The following HCFC2 variants were observed in gnomAD, a reference collection of about 807,000 sequenced individuals.
HCFC2 encodes host cell factor 2.
Under a neutral mutation model 89.2 loss-of-function variants are expected in HCFC2, and 18 were observed. The observed-to-expected ratio is 0.20, with a 90% CI of 0.14 to 0.30. The LOEUF (loss-of-function observed/expected upper bound fraction) is 0.30, where lower values mean the gene tolerates loss of function less well. Ranked by LOEUF, HCFC2 falls within the 10% of genes least tolerant of loss-of-function variation. HCFC2 has a pLI of 1.00. For synonymous variants in HCFC2, 308 were observed against 335.7 expected (o/e 0.92, Z 0.90); for missense variants, 578 against 956.1 (o/e 0.60, Z 5.21).
In HCFC2 at chr12:104,079,593, A is replaced by G. The variant is rs1389101801; in HGVS notation, c.622A>G (p.Met208Val). 2 of 1,614,136 alleles carry G rather than the reference A, an allele frequency of 1.2e-6. No homozygotes were observed. The highest frequency in any genetic ancestry group is 1.7e-5 in the Admixed American group (1 of 60,014). Reference protein sequence around the residue: ...YCKKDSGSPKMYVFGGMCGAR... With the variant: ...YCKKDSGSPKVYVFGGMCGAR... Reference sequence around the variant, plus strand: ...CAAAAAAGATTCTGGAAGTCCTAAAATGTATGTTTTTGGTGGAATGTGTGG... The same window carrying G: ...CAAAAAAGATTCTGGAAGTCCTAAAGTGTATGTTTTTGGTGGAATGTGTGG... The change falls in exon 4 of 15, where the codon ATG (methionine) becomes GTG (valine). Residue 208 changes from methionine (M) to valine (V), a missense_variant. Met to Val is a conservative substitution (Grantham distance 21). Transcript: ENST00000229330.
chr12:104,075,738 G>A (rs571974796), intron 3 of HCFC2, among the ~76,000 whole-genome samples: 9 of 152,218 alleles, frequency 5.9e-5, no homozygotes, highest in African/African-American at 1.9e-4. Context: ...GGGATTACCC[G>A]CTTGAGCCAT....
chr12:104,092,349 C>T (rs1884045141), intron 9 of HCFC2, among the ~76,000 whole-genome samples: 1 of 151,962 alleles, frequency 6.6e-6, no homozygotes, highest in South Asian at 2.1e-4. Flanking sequence ...GCCTGTAGCC[C>T]CAGCTACTTG....
intron 6 of HCFC2, 35 bp from the exon 7 acceptor site, chr12:104,082,678 C>A (rs1883720056): frequency 6.3e-7 from 1 of 1,588,872 alleles, no homozygotes; most frequent in Non-Finnish European, 8.6e-7. Flanking sequence ...TTGTTAAGAA[C>A]AAAAGATTAG....
At chr12:104,090,878 C>G (rs1261813428) in intron 9 of HCFC2, 2 of 152,156 alleles carry the variant, frequency 1.3e-5, no homozygotes, top group African/African-American at 4.8e-5. Context: ...AAGGCCTATG[C>G]ATGTGGGTGT....
chr12:104,081,472 A>C (rs1883680618), intron 5 of HCFC2, among the ~76,000 whole-genome samples: 1 of 152,144 alleles, frequency 6.6e-6, no homozygotes, highest in South Asian at 2.1e-4. Flanking sequence ...AAATTCCCTT[A>C]TTTGTGCAAC....
chr12:104,083,006 TTAAG>T lies in HCFC2; in HGVS notation c.1063+108_1063+111del, dbSNP rs1244919811. The T allele has an allele frequency of 1.6e-5, 12 of 765,474 alleles. No individual in the cohort carries two copies. In the East Asian group the frequency reaches 2.6e-4, roughly 17 times the overall value. 47.4% of individuals were successfully genotyped at this position (765,474 alleles called of 1,614,324 possible). A position where few individuals can be genotyped will look rare whatever the true frequency, so the allele number is the denominator to read the frequency against. ...TGCTACTACCTCTTGTTTCCCATAA[TTAAG>T]TATGAATGGAAGAAACAATATGTAT... On this transcript the variant is annotated intron_variant, in intron 7 of 14. Transcript: ENST00000229330.
chr12:104,087,134 C>T, intron 8 of HCFC2, 120 bp downstream of exon 8: 1 of 863,456 alleles, frequency 1.2e-6, no homozygotes, highest in Non-Finnish European at 1.7e-6. Context: ...GCAGGTGGAT[C>T]ACCTGAGGTC....
intron 4 of HCFC2, among the ~76,000 whole-genome samples, chr12:104,080,200 G>T (rs1235561328): frequency 6.6e-6 from 1 of 152,084 alleles, no homozygotes; most frequent in Non-Finnish European, 1.5e-5. Context: ...CACAATTGGT[G>T]GCACCCTAAG....
chr12:104,102,035 A>G lies in HCFC2; in HGVS notation c.1946A>G (p.Tyr649Cys). Reference protein sequence around the residue: ...KKQDLVPGTGYRFRVAAINGC... With the variant: ...KKQDLVPGTGCRFRVAAINGC... ...CAAGATCTTGTTCCAGGCACAGGATACAGATTCAGGGTTGCTGCAATCAAT... is the reference window on the plus strand; with the variant it reads ...CAAGATCTTGTTCCAGGCACAGGATGCAGATTCAGGGTTGCTGCAATCAAT... Residue 649 changes from tyrosine (Y) to cysteine (C), a missense_variant, in exon 14 of 15, where the codon TAC (tyrosine) becomes TGC (cysteine). Physicochemically the swap from Tyr to Cys is radical, Grantham distance 194. Coordinates refer to ENST00000229330, the MANE Select transcript of HCFC2 (RefSeq NM_013320.3). 6.2e-7 allele frequency: 1 copy of G among 1,613,984 alleles called. No homozygotes were observed. The highest frequency in any genetic ancestry group is 8.5e-7 in the Non-Finnish European group (1 of 1,179,894).
In HCFC2 at chr12:104,093,548, C is replaced by CTAAGGA. The variant is rs1884089753; in HGVS notation, c.1448_1453dup (p.Arg484_Lys485insIleArg). Reference sequence around the variant, plus strand: ...TCATAATAGTCATGTGGTGGATATGCTAAGGAAAAATGAAGGTATATGGAT... The same window carrying CTAAGGA: ...TCATAATAGTCATGTGGTGGATATGCTAAGGATAAGGAAAAATGAAGGTATATGGAT... On this transcript the variant is annotated inframe_insertion, in exon 10 of 15. Coordinates refer to ENST00000229330, the MANE Select transcript of HCFC2 (RefSeq NM_013320.3). The CTAAGGA allele has an allele frequency of 2.5e-6, 4 of 1,607,172 alleles. No individual in the cohort carries two copies. The highest frequency in any genetic ancestry group is 2.5e-6 in the Non-Finnish European group (3 of 1,177,358).
rs776069021 is a variant in HCFC2, at chr12:104,068,119, C to T, written c.473+12C>T. The T allele has an allele frequency of 1.3e-6, 2 of 1,551,874 alleles. No homozygotes were observed. Among genetic ancestry groups the T allele is most frequent in the Non-Finnish European group, 1.7e-6 (2 of 1,155,300 alleles). ...AATAATGTTCCCAGGTATGCTGACT[C>T]TTTCAGACCAAATGCTTATTTTATG... On this transcript the variant is annotated intron_variant, in intron 3 of 14. Coordinates refer to ENST00000229330, the MANE Select transcript of HCFC2 (RefSeq NM_013320.3). This position sits in a 1 kb window ranked among gnomAD's most constrained non-coding sequence, Gnocchi z 4.1.
Position 104,066,160 on chromosome 12 carries a change from C to T in HCFC2, c.164-7C>T. 6.2e-7 allele frequency: 1 copy of T among 1,611,152 alleles called. No homozygotes were observed. The highest frequency in any genetic ancestry group is 8.5e-7 in the Non-Finnish European group (1 of 1,179,076). ...ATAATCGGTTTTCATTTTATTTTGG[C>T]AACTAGCTACGAATCAGTGGTTTCT... On this transcript the variant is annotated splice_polypyrimidine_tract_variant and splice_region_variant and intron_variant, in intron 1 of 14. Coordinates refer to ENST00000229330, the MANE Select transcript of HCFC2 (RefSeq NM_013320.3).
chr12:104,067,195 T>C (rs986750444), intron 2 of HCFC2, among the ~76,000 whole-genome samples: 10 of 152,198 alleles, frequency 6.6e-5, no homozygotes, highest in Non-Finnish European at 1.3e-4. Context: ...ATTTGGAAAA[T>C]CACCATGCCT....
Position 104,105,070 on chromosome 12 carries a change from G to C in HCFC2, c.*1797G>C, listed in dbSNP as rs1031327291. Reference sequence around the variant, plus strand: ...CTCATTATTATGTTTGTAATCATTTGTCTAGCTTCTGTAATGTATCTGATA... The same window carrying C: ...CTCATTATTATGTTTGTAATCATTTCTCTAGCTTCTGTAATGTATCTGATA... On this transcript the variant is annotated 3_prime_UTR_variant, in exon 15 of 15. Coordinates refer to ENST00000229330, the MANE Select transcript of HCFC2 (RefSeq NM_013320.3). 2 of 151,946 alleles carry C rather than the reference G, an allele frequency of 1.3e-5. No homozygotes were observed. The highest frequency in any genetic ancestry group is 1.5e-5 in the Non-Finnish European group (1 of 67,856). 9.4% of individuals were successfully genotyped at this position (151,946 alleles called of 1,614,324 possible).
intron 3 of HCFC2, among the ~76,000 whole-genome samples, chr12:104,070,041 G>C (rs1167797633): frequency 6.7e-6 from 1 of 148,684 alleles, no homozygotes; most frequent in Non-Finnish European, 1.5e-5. Flanking sequence ...TTTTTTTTTT[G>C]AGACAGAATC....
chr12:104,081,904 CAAA>C (rs761929991), intron 5 of HCFC2, among the ~76,000 whole-genome samples: 30 of 62,536 alleles, frequency 4.8e-4, no homozygotes, highest in East Asian at 4.6e-4. Flanking sequence ...GATCCTGTCT[CAAA>C]AAAAAAAAAA....
In HCFC2 at chr12:104,103,436, TAAAAG is replaced by T. The variant is rs1402849923; in HGVS notation, c.*171_*175del. The T allele has an allele frequency of 2.8e-5, 17 of 612,526 alleles. 1 individual carries two copies. Among genetic ancestry groups the T allele is most frequent in the South Asian group, 1.4e-4 (6 of 41,450 alleles). The allele number at this position is 612,526 out of a possible 1,614,324, so 37.9% of individuals were successfully genotyped here. On this transcript the variant is annotated 3_prime_UTR_variant, in exon 15 of 15. Coordinates refer to ENST00000229330, the MANE Select transcript of HCFC2 (RefSeq NM_013320.3). ...GTATTTGCTGAATTATAGATCCAAATAAAAGAAAAGAAGCAAAGACTCTCTGAAAA... is the reference window on the plus strand; with the variant it reads ...GTATTTGCTGAATTATAGATCCAAATAAAAGAAGCAAAGACTCTCTGAAAA...
In HCFC2 at chr12:104,093,388, C is replaced by T. The variant is rs1229615213; in HGVS notation, c.1287C>T (p.Ile429=). ...QGSNNIVPNS[I]NDTINSTKTE... ...GTAATCTGTTATATTTCTTGTAGAT[C>T]AATGATACAATAAACAGCACAAAAA... is the stretch of plus-strand genomic sequence containing the variant. Residue 429 remains isoleucine (I), a splice_region_variant and synonymous_variant, in exon 10 of 15, where the codon ATC becomes ATT. Coordinates refer to ENST00000229330, the MANE Select transcript of HCFC2 (RefSeq NM_013320.3). 1.9e-6 allele frequency: 3 copies of T among 1,604,910 alleles called. No individual in the cohort carries two copies. The Admixed American group carries it at 5.1e-5, about 28-fold the overall frequency.
intron 9 of HCFC2, among the ~76,000 whole-genome samples, chr12:104,091,943 G>C (rs1229422781): frequency 6.6e-6 from 1 of 152,086 alleles, no homozygotes; most frequent in East Asian, 1.9e-4. Flanking sequence ...ATAAACAGTA[G>C]CACCACCAAT....
Sources: gnomAD v4.1 joint callset for allele counts (sites outside exome capture counted in the v4.1 genomes callset) on GRCh38, gnomAD v4.1.1 for gene constraint, Gnocchi (gnomAD v3.1) non-coding constraint, MANE v1.5 for transcripts, NCBI Gene and HGNC (gene_info 2026-07-23, HGNC 2026-07-21) for gene names.